Variants in GNB1 observed in about 807,000 individuals in gnomAD.
The protein encoded by GNB1 is guanine nucleotide-binding protein G(I)/G(S)/G(T) subunit beta-1.
Under a neutral mutation model 42.9 loss-of-function variants are expected in GNB1, and 2 were observed. The ratio of observed to expected loss-of-function variants is 0.05; its 90% CI spans 0.02 to 0.15. The LOEUF (loss-of-function observed/expected upper bound fraction) is 0.15, where lower values mean the gene tolerates loss of function less well. GNB1 is among the 10% of genes least tolerant of loss of function. GNB1 has a pLI of 1.00. For missense variants in GNB1, 193 were observed against 462.2 expected (o/e 0.42, Z 5.34); for synonymous variants, 183 against 174.7 (o/e 1.05, Z -0.38).
At chr1:1,810,528 C>G (rs1434863438) in intron 5 of GNB1, among the ~76,000 whole-genome samples, 1 of 110,146 alleles carries the variant, frequency 9.1e-6, no homozygotes, top group African/African-American at 3.3e-5. Flanking sequence ...AGAGTGAGAC[C>G]CAGTCTCAAA....
chr1:1,868,166 G>C (rs1358221302), intron 1 of GNB1, among the ~76,000 whole-genome samples: 1 of 151,906 alleles, frequency 6.6e-6, no homozygotes, highest in Non-Finnish European at 1.5e-5. Flanking sequence ...TTCATATAGT[G>C]TGTGTTTTGT....
chr1:1,806,430 T>C (rs747011357), intron 6 of GNB1, 45 bp downstream of exon 6: 2 of 1,148,590 alleles, frequency 1.7e-6, no homozygotes, highest in Non-Finnish European at 2.6e-6. Flanking sequence ...TAAAACCCTG[T>C]TTCCTGGGTT....
At chr1:1,818,582 G>T (rs1384903632) in intron 3 of GNB1, among the ~76,000 whole-genome samples, 1 of 151,988 alleles carries the variant, frequency 6.6e-6, no homozygotes, top group African/African-American at 2.4e-5. Flanking sequence ...AGGAAAATAG[G>T]CTGGGTGTGG....
chr1:1,846,249 A>G (rs1647661872), intron 1 of GNB1, among the ~76,000 whole-genome samples: 3 of 152,112 alleles, frequency 2.0e-5, no homozygotes, highest in African/African-American at 7.2e-5. Context: ...TCTTCTTTAC[A>G]GAGGAATGCC....
chr1:1,828,953 C>G (rs1301264637), intron 2 of GNB1, among the ~76,000 whole-genome samples: 3 of 152,090 alleles, frequency 2.0e-5, no homozygotes, highest in Non-Finnish European at 2.9e-5. Flanking sequence ...TGGTCAGGCC[C>G]TCTTCAGTCC....
intron 2 of GNB1, among the ~76,000 whole-genome samples, chr1:1,837,891 C>T (rs1381126793): frequency 6.6e-6 from 1 of 151,912 alleles, no homozygotes; most frequent in African/African-American, 2.4e-5. Flanking sequence ...ATGTCAAGTT[C>T]TCCTTTTGCG....
At chr1:1,821,547 C>A (rs1646930115) in intron 3 of GNB1, among the ~76,000 whole-genome samples, 1 of 152,192 alleles carries the variant, frequency 6.6e-6, no homozygotes, top group Admixed American at 6.5e-5. Context: ...AAAAAATGTT[C>A]TACATTTTAA....
At chr1:1,817,959 G>C in intron 3 of GNB1, 84 bp from the exon 4 acceptor site, 1 of 1,035,396 alleles carries the variant, frequency 9.7e-7, no homozygotes, top group South Asian at 1.3e-5. Flanking sequence ...TTCAAAGAGA[G>C]CTTTCCTAAG....
At chr1:1,872,616 C>T (rs1367677473) in intron 1 of GNB1, among the ~76,000 whole-genome samples, 2 of 152,292 alleles carry the variant, frequency 1.3e-5, no homozygotes, top group South Asian at 2.1e-4. Context: ...CAATCACTGC[C>T]CTCTCCACCT....
chr1:1,800,938 C>T (rs1055138768), intron 7 of GNB1, among the ~76,000 whole-genome samples: 3 of 152,214 alleles, frequency 2.0e-5, no homozygotes, highest in Non-Finnish European at 2.9e-5. Flanking sequence ...GTAGGGCTCC[C>T]GGCCGAAAGG....
At chr1:1,812,326 C>T (rs1446670023) in intron 5 of GNB1, among the ~76,000 whole-genome samples, 7 of 150,564 alleles carry the variant, frequency 4.6e-5, no homozygotes, top group Non-Finnish European at 8.9e-5. Flanking sequence ...TGCACATGTA[C>T]CCTAGAACTT....
At chr1:1,839,284 G>C (rs1647192048) in intron 1 of GNB1, 46 bp from the exon 2 acceptor site, 2 of 152,126 alleles carry the variant, frequency 1.3e-5, no homozygotes, top group African/African-American at 4.8e-5. Context: ...CTCAGGTTGT[G>C]AATAAAATAT....
intron 1 of GNB1, among the ~76,000 whole-genome samples, chr1:1,885,041 G>A (rs1222911806): frequency 6.6e-6 from 1 of 151,892 alleles, no homozygotes; most frequent in Non-Finnish European, 1.5e-5. Flanking sequence ...TTGATATAAT[G>A]CATTAGTAAG....
At chr1:1,841,813 C>G (rs553079355) in intron 1 of GNB1, among the ~76,000 whole-genome samples, 2 of 152,164 alleles carry the variant, frequency 1.3e-5, no homozygotes, top group East Asian at 3.8e-4. Flanking sequence ...AAATTAAACA[C>G]AGAATTACCC....
At chr1:1,888,534 C>T (rs1650283956) in intron 1 of GNB1, among the ~76,000 whole-genome samples, 2 of 152,144 alleles carry the variant, frequency 1.3e-5, no homozygotes, top group African/African-American at 4.8e-5. Context: ...CAGCTCTAAT[C>T]GTTAGAAAGT....
At chr1:1,816,768 C>T (rs1419946753) in intron 4 of GNB1, among the ~76,000 whole-genome samples, 1 of 151,564 alleles carries the variant, frequency 6.6e-6, no homozygotes, top group East Asian at 1.9e-4. Flanking sequence ...CCTGCCTCAG[C>T]CCCCTGAGTA....
At chr1:1,876,492 C>CGAGAGA (rs35226472) in intron 1 of GNB1, among the ~76,000 whole-genome samples, 5,083 of 147,844 alleles carry the variant, frequency 0.034, 114 homozygotes, top group African/African-American at 0.051. Context: ...CATGTGCACA[C>CGAGAGA]GAGAGAGAGA....
At chr1:1,860,978 C>T (rs1033050265) in intron 1 of GNB1, among the ~76,000 whole-genome samples, 3 of 150,696 alleles carry the variant, frequency 2.0e-5, no homozygotes, top group African/African-American at 7.3e-5. Context: ...CATGGTGGCA[C>T]GAGCCTGTAG....
rs763324835 is a variant in GNB1, at chr1:1,789,147, G to A, written c.822C>T (p.Thr274=). The A allele has an allele frequency of 6.2e-7, 1 of 1,614,176 alleles. No individual in the cohort carries two copies. The highest frequency in any genetic ancestry group is 8.5e-7 in the Non-Finnish European group (1 of 1,179,982). The change falls in exon 10 of 12, where the codon ACC becomes ACT. Residue 274 remains threonine (T), a synonymous_variant. Transcript: ENST00000378609. ...YSHDNIICGI[T]SVSFSKSGRL... is the part of the protein sequence containing the mutation. The stretch of plus-strand genomic sequence containing the variant: ...GCCCGCTCTTGGAGAAGGAGACAGA[G>A]GTGATCCCGCAGATGATGTTGTCAT...
Sources: gnomAD v4.1 joint callset for allele counts (sites outside exome capture counted in the v4.1 genomes callset) on GRCh38, gnomAD v4.1.1 for gene constraint, MANE v1.5 for transcripts, NCBI Gene and HGNC (gene_info 2026-07-23, HGNC 2026-07-21) for gene names.